ARHGEF12: variants seen among roughly 807,000 people sequenced by gnomAD.
ARHGEF12 encodes the protein KMT2A/ARHGEF12 fusion protein.
Under a neutral mutation model 211.2 loss-of-function variants are expected in ARHGEF12, and 66 were observed. That is an observed-to-expected ratio of 0.31 (90% CI 0.26 to 0.38). The LOEUF (loss-of-function observed/expected upper bound fraction) is 0.38. Ranked by LOEUF, ARHGEF12 falls within the 10% of genes least tolerant of loss-of-function variation. The pLI is 1.00. For missense variants in ARHGEF12, 1,429 were observed against 1,869.5 expected (o/e 0.76, Z 4.34); for synonymous variants, 592 against 638.4 (o/e 0.93, Z 1.09).
At chr11:120,391,000 A>G (rs1944199226) in intron 1 of ARHGEF12, among the ~76,000 whole-genome samples, 1 of 152,226 alleles carries the variant, frequency 6.6e-6, no homozygotes, top group Admixed American at 6.5e-5. Flanking sequence ...AGTTTTAGCT[A>G]TTATTGTAAC....
At chr11:120,483,194 A>T (rs1947300327) in intron 39 of ARHGEF12, among the ~76,000 whole-genome samples, 1 of 149,326 alleles carries the variant, frequency 6.7e-6, no homozygotes, top group African/African-American at 2.5e-5. Context: ...CATTTCCCCT[A>T]CCTGATCAGC....
At chr11:120,472,392 AG>A (rs948416226) in intron 30 of ARHGEF12, among the ~76,000 whole-genome samples, 3 of 152,078 alleles carry the variant, frequency 2.0e-5, no homozygotes, top group Non-Finnish European at 4.4e-5. Flanking sequence ...GGGAAAATTG[AG>A]GGGGGTGGGG....
chr11:120,426,928 G>A (rs1006684557), intron 7 of ARHGEF12, among the ~76,000 whole-genome samples: 4 of 151,896 alleles, frequency 2.6e-5, no homozygotes, highest in South Asian at 2.1e-4. Flanking sequence ...CCAGGCTGGC[G>A]TGCAGTGGCG....
intron 1 of ARHGEF12, among the ~76,000 whole-genome samples, chr11:120,363,072 C>G (rs575693800): frequency 6.6e-6 from 1 of 152,248 alleles, no homozygotes; most frequent in Admixed American, 6.5e-5. Flanking sequence ...TGCACTCCAG[C>G]CTTGGCAACA....
At chr11:120,367,393 T>G (rs1943458996) in intron 1 of ARHGEF12, among the ~76,000 whole-genome samples, 1 of 129,216 alleles carries the variant, frequency 7.7e-6, no homozygotes, top group African/African-American at 3.0e-5. Flanking sequence ...TGAGGTGGAG[T>G]CTCGCTCTGT....
At chr11:120,417,399 T>C (rs1945063430) in intron 4 of ARHGEF12, among the ~76,000 whole-genome samples, 1 of 152,188 alleles carries the variant, frequency 6.6e-6, no homozygotes, top group Non-Finnish European at 1.5e-5. Flanking sequence ...CAGTATCTAA[T>C]TTATTTTGAA....
intron 25 of ARHGEF12, 30 bp from the exon 26 acceptor site, chr11:120,459,144 G>A (rs1946448065): frequency 6.4e-7 from 1 of 1,564,458 alleles, no homozygotes; most frequent in Non-Finnish European, 8.7e-7. Flanking sequence ...TTCTAAGTAA[G>A]GCAACATTTC....
At chr11:120,453,967 GTC>G (rs1946285954) in intron 22 of ARHGEF12, among the ~76,000 whole-genome samples, 1 of 152,190 alleles carries the variant, frequency 6.6e-6, no homozygotes, top group African/African-American at 2.4e-5. Flanking sequence ...AGTATGAGCA[GTC>G]TCTGTCACTT....
chr11:120,347,584 A>G (rs572067887), intron 1 of ARHGEF12, among the ~76,000 whole-genome samples: 108 of 152,310 alleles, frequency 7.1e-4, no homozygotes, highest in Admixed American at 1.6e-3. Flanking sequence ...ATGATATAAA[A>G]GTAAAGAAAT....
chr11:120,407,323 C>T (rs1309680930), intron 2 of ARHGEF12, among the ~76,000 whole-genome samples: 1 of 152,140 alleles, frequency 6.6e-6, no homozygotes, highest in African/African-American at 2.4e-5. Context: ...AATGTTAAAC[C>T]GTTCTCATGC....
intron 38 of ARHGEF12, among the ~76,000 whole-genome samples, chr11:120,481,012 A>G (rs924199063): frequency 1.3e-5 from 2 of 152,178 alleles, no homozygotes; most frequent in African/African-American, 4.8e-5. Flanking sequence ...TAGCAAGATC[A>G]TTTAGGCACT....
intron 26 of ARHGEF12, 106 bp downstream of exon 26, chr11:120,459,426 GT>G: frequency 8.4e-7 from 1 of 1,186,672 alleles, no homozygotes. Context: ...CTGAGATTAT[GT>G]GTGAGAATGT....
chr11:120,416,843 G>C (rs1487047240), intron 4 of ARHGEF12, among the ~76,000 whole-genome samples: 1 of 152,032 alleles, frequency 6.6e-6, no homozygotes, highest in East Asian at 1.9e-4. Context: ...GTAGGGACAG[G>C]GTTTCACCAT....
chr11:120,393,013 T>A (rs1944269280), intron 1 of ARHGEF12, among the ~76,000 whole-genome samples: 1 of 152,162 alleles, frequency 6.6e-6, no homozygotes, highest in Admixed American at 6.5e-5. Context: ...GGAGTTCTCT[T>A]AAAAGGAAGG....
chr11:120,459,226 A>C lies in ARHGEF12; in HGVS notation c.2433A>C (p.Gln811His), dbSNP rs1429583586. Residue 811 changes from glutamine to histidine, a missense_variant, in exon 26 of 41, where the codon CAA becomes CAC. Physicochemically the swap from Gln to His is conservative, Grantham distance 24. Around this residue, in one of 7 missense-constraint regions of ARHGEF12, gnomAD observed 223 missense variants for 444.6 expected, o/e 0.50. Coordinates refer to ENST00000397843, the MANE Select transcript of ARHGEF12 (RefSeq NM_015313.3). ...AHVRTLKVLD[Q>H]VFYQRVSREG... is the part of the protein sequence containing the mutation. ...TTCGAACACTGAAGGTTCTTGATCA[A>C]GTGTTCTATCAGCGAGTATCCAGAG... 6 of 1,613,716 alleles carry C rather than the reference A, an allele frequency of 3.7e-6. No homozygotes were observed. Among genetic ancestry groups the C allele is most frequent in the Non-Finnish European group, 5.1e-6 (6 of 1,179,808 alleles).
Position 120,446,237 on chromosome 11 carries a change from T to TAATAATAAA in ARHGEF12, c.1346-165_1346-164insATAATAAAA, listed in dbSNP as rs1435691305. Among the ~76,000 whole-genome samples, 63 of 142,596 alleles carry TAATAATAAA rather than the reference T, an allele frequency of 4.4e-4. No homozygotes were observed. In the South Asian group the frequency reaches 7.0e-3, roughly 16 times the overall value. The allele number at this position is 142,596 out of a possible 152,430, so 93.5% of individuals were successfully genotyped here. A position where few individuals can be genotyped will look rare whatever the true frequency, so the allele number is the denominator to read the frequency against. On this transcript the variant is annotated intron_variant, in intron 16 of 40. Coordinates refer to ENST00000397843, the MANE Select transcript of ARHGEF12 (RefSeq NM_015313.3). ...ATAATAATAATAATAATAATAATAA[T>TAATAATAAA]AGAGTAAATGAAATCAGAATTCTGG...
In ARHGEF12 at chr11:120,480,447, C is replaced by G; in HGVS notation, c.4237+17C>G. The G allele has an allele frequency of 6.3e-7, 1 of 1,583,778 alleles. No homozygotes were observed. The highest frequency in any genetic ancestry group is 8.6e-7 in the Non-Finnish European group (1 of 1,165,190). On this transcript the variant is annotated intron_variant, in intron 38 of 40. Coordinates refer to ENST00000397843, the MANE Select transcript of ARHGEF12 (RefSeq NM_015313.3). ...GCATCTCAGGCAAGTATCTTTCACA[C>G]TTAAACTTTGATTTTGATTTTGATC...
intron 4 of ARHGEF12, 115 bp downstream of exon 4, chr11:120,409,565 G>A (rs1944820280): frequency 9.4e-7 from 1 of 1,058,710 alleles, no homozygotes; most frequent in African/African-American, 1.6e-5. Context: ...CCTTTCTTGT[G>A]TCTGCTGTGC....
chr11:120,457,540 A>G (rs1439458457), intron 23 of ARHGEF12, 181 bp from the exon 24 acceptor site: 2 of 462,848 alleles, frequency 4.3e-6, no homozygotes, highest in East Asian at 6.6e-5. Flanking sequence ...TTCAGAACTC[A>G]TAACTGAAAT....
Sources: gnomAD v4.1 joint callset for allele counts (sites outside exome capture counted in the v4.1 genomes callset) on GRCh38, gnomAD v4.1.1 for gene constraint, gnomAD v4.1.1 regional missense constraint, MANE v1.5 for transcripts, NCBI Gene and HGNC (gene_info 2026-07-23, HGNC 2026-07-21) for gene names.